FIRRM: variants seen among roughly 807,000 people sequenced by gnomAD.
The protein encoded by FIRRM is FIGNL1-interacting regulator of recombination and mitosis.
chr1:169,815,995 G>T, the FIRRM span, among the ~76,000 whole-genome samples: 12 of 152,154 alleles, frequency 7.9e-5, no homozygotes, highest in Non-Finnish European at 2.9e-5. Flanking sequence ...TCAGTATGAT[G>T]AGGGCCATTC....
At chr1:169,827,627 G>C in the FIRRM span, 5 of 1,460,226 alleles carry the variant, frequency 3.4e-6, no homozygotes, top group East Asian at 1.1e-4. Context: ...GACAGAGTGA[G>C]ACTCTGACTC....
At chr1:169,807,715 T>C in the FIRRM span, 1 of 1,273,388 alleles carries the variant, frequency 7.9e-7, no homozygotes, top group Non-Finnish European at 1.1e-6. Context: ...TTCTACAAGG[T>C]AGATATTGTT....
chr1:169,793,146 C>T, the FIRRM span: 1 of 1,614,200 alleles, frequency 6.2e-7, no homozygotes, highest in South Asian at 1.1e-5. Flanking sequence ...GCAAATTTCA[C>T]TTTGGCCTTT....
chr1:169,810,753 G>A, the FIRRM span, among the ~76,000 whole-genome samples: 5 of 145,296 alleles, frequency 3.4e-5, no homozygotes, highest in African/African-American at 1.3e-4. Context: ...TCTCAATTAA[G>A]TCTTGAAATT....
At chr1:169,824,786 C>T in the FIRRM span, among the ~76,000 whole-genome samples, 8 of 152,184 alleles carry the variant, frequency 5.3e-5, no homozygotes, top group Admixed American at 2.6e-4. Flanking sequence ...GCCTCCTTAG[C>T]AGGTTTCTCT....
chr1:169,814,344 T>C, the FIRRM span, among the ~76,000 whole-genome samples: 1 of 152,222 alleles, frequency 6.6e-6, no homozygotes, highest in South Asian at 2.1e-4. Flanking sequence ...AAATTAACTG[T>C]GGTACATATT....
At chr1:169,795,793 CTTTT>C in the FIRRM span, 11 of 980,532 alleles carry the variant, frequency 1.1e-5, no homozygotes, top group Non-Finnish European at 1.2e-5. Context: ...TTCTTTCTTT[CTTTT>C]TTTTTGACAA....
the FIRRM span, among the ~76,000 whole-genome samples, chr1:169,802,300 G>A: frequency 2.0e-5 from 3 of 152,090 alleles, no homozygotes; most frequent in African/African-American, 7.2e-5. Context: ...TTTATTGTGC[G>A]AAAGTAATAC....
chr1:169,838,697 C>T, the FIRRM span, among the ~76,000 whole-genome samples: 5 of 152,092 alleles, frequency 3.3e-5, no homozygotes, highest in South Asian at 2.1e-4. Flanking sequence ...ACCATGTTGA[C>T]CAGGCTGGTC....
chr1:169,796,580 C>T, the FIRRM span, among the ~76,000 whole-genome samples: 8 of 152,226 alleles, frequency 5.3e-5, no homozygotes, highest in African/African-American at 1.7e-4. Context: ...TTATCTCCAT[C>T]CTCATTGCTA....
the FIRRM span, among the ~76,000 whole-genome samples, chr1:169,809,154 A>G: frequency 6.6e-6 from 1 of 152,166 alleles, no homozygotes; most frequent in African/African-American, 2.4e-5. Flanking sequence ...GAAGTTCTGA[A>G]GGTAGTAAGA....
chr1:169,842,166 T>C, the FIRRM span, among the ~76,000 whole-genome samples: 1,868 of 147,476 alleles, frequency 0.013, 45 homozygotes, highest in African/African-American at 0.044. Flanking sequence ...CGGAGTGAGA[T>C]GCCATCTCAA....
At chr1:169,830,840 A>AAT in the FIRRM span, 1 of 1,100,686 alleles carries the variant, frequency 9.1e-7, no homozygotes, top group African/African-American at 1.5e-5. Context: ...CGGCGGGAGA[A>AAT]ATATCACAGT....
the FIRRM span, chr1:169,798,866 G>A: frequency 1.9e-6 from 2 of 1,073,310 alleles, no homozygotes; most frequent in Non-Finnish European, 2.5e-6. Context: ...GGTTTGTTCT[G>A]AGTAATGAAT....
the FIRRM span, chr1:169,850,787 CTG>C: frequency 6.4e-6 from 1 of 157,420 alleles, no homozygotes; most frequent in East Asian, 1.8e-4. Flanking sequence ...CAGAGTGAGA[CTG>C]TCTCAAAAAA....
chr1:169,829,502 C>A, the FIRRM span: 1 of 1,486,402 alleles, frequency 6.7e-7, no homozygotes, highest in Admixed American at 2.2e-5. Flanking sequence ...GCTTTCTCTT[C>A]ATTGAAATTG....
chr1:169,853,920 C>G, the FIRRM span: 1 of 849,090 alleles, frequency 1.2e-6, no homozygotes, highest in Non-Finnish European at 1.8e-6. Flanking sequence ...AGAGCTCTAA[C>G]AGAAAGTTGA....
At chr1:169,819,929 A>G in the FIRRM span, among the ~76,000 whole-genome samples, 1 of 152,056 alleles carries the variant, frequency 6.6e-6, no homozygotes, top group Non-Finnish European at 1.5e-5. Flanking sequence ...TAGCTGCTGA[A>G]CTCCAGCACT....
the FIRRM span, among the ~76,000 whole-genome samples, chr1:169,785,589 G>T: frequency 6.6e-6 from 1 of 152,132 alleles, no homozygotes; most frequent in African/African-American, 2.4e-5. Context: ...GCCTCTCGAC[G>T]TTCAGATGCT....
Sources: allele counts gnomAD v4.1 joint callset (sites outside exome capture counted in the v4.1 genomes callset), GRCh38; gene constraint gnomAD v4.1.1; transcripts MANE v1.5; gene names NCBI Gene and HGNC (gene_info 2026-07-23, HGNC 2026-07-21).